Variants in GAREM1 observed in about 807,000 individuals in gnomAD.
The protein encoded by GAREM1 is GRB2 associated regulator of MAPK1 subtype 1.
GAREM1 carries 26 observed loss-of-function variants against 71.3 expected under a neutral mutation model. That is an observed-to-expected ratio of 0.36 (90% CI 0.27 to 0.51). GAREM1 has a LOEUF of 0.51. Among genes scored for constraint, GAREM1 ranks in the 20% least tolerant of loss-of-function variants. The pLI is 0.95. For synonymous variants in GAREM1, 440 were observed against 433.2 expected, an observed-to-expected ratio of 1.02 and a Z score of -0.20; for missense variants, 1,026 against 1,103.1, an observed-to-expected ratio of 0.93 and a Z score of 0.99.
rs559889736 is a variant in GAREM1 at position 32,438,222 on chromosome 18, A to G, written c.121+32086T>C. 1.2e-4 allele frequency among the ~76,000 whole-genome samples: 19 copies of G among 152,312 alleles called. No individual in the cohort carries two copies. The South Asian group carries it at 3.3e-3, about 27-fold the overall frequency. The stretch of plus-strand genomic sequence containing the variant: ...TACAACTAAATAAAAGACAAAAATA[A>G]ACCGGATTTATCTGGCAGAGCGGGT... On this transcript the variant is annotated intron_variant, in intron 1 of 5. Coordinates refer to ENST00000269209, the MANE Select transcript of GAREM1 (RefSeq NM_001242409.2).
At chr18:32,318,433 A>T (rs1360480117) in intron 2 of GAREM1, among the ~76,000 whole-genome samples, 2 of 152,078 alleles carry the variant, frequency 1.3e-5, no homozygotes, top group African/African-American at 4.8e-5. Flanking sequence ...ACTCTCCTTT[A>T]CTTACAGGGA....
At chr18:32,378,037 T>C (rs1264605205) in intron 2 of GAREM1, among the ~76,000 whole-genome samples, 2 of 148,160 alleles carry the variant, frequency 1.3e-5, no homozygotes, top group African/African-American at 5.2e-5. Flanking sequence ...TGTGTGTGTG[T>C]GTGTGTGTGT....
rs2047950059 is a variant in GAREM1 at position 32,368,767 on chromosome 18, A to G, written c.262+24128T>C. ...TTTTCTTTCTTTCTCTCTCTCACAC[A>G]CGCAACATGAATGTGGCTTTTCACA... On this transcript the variant is annotated intron_variant, in intron 2 of 5. Coordinates refer to ENST00000269209, the MANE Select transcript of GAREM1 (RefSeq NM_001242409.2). Among the ~76,000 whole-genome samples the G allele has an allele frequency of 2.0e-5, 3 of 152,176 alleles. No homozygotes were observed. The South Asian group carries it at 6.2e-4, about 32-fold the overall frequency.
intron 3 of GAREM1, among the ~76,000 whole-genome samples, chr18:32,302,382 C>T (rs1222245919): frequency 6.6e-6 from 1 of 152,132 alleles, no homozygotes; most frequent in African/African-American, 2.4e-5. Flanking sequence ...TAATTTATAG[C>T]ATTTTATCAT....
chr18:32,271,740 C>T (rs1173550655), intron 4 of GAREM1, among the ~76,000 whole-genome samples: 2 of 152,196 alleles, frequency 1.3e-5, no homozygotes, highest in Non-Finnish European at 2.9e-5. Flanking sequence ...CGTCTTCACA[C>T]TGGAGAGGAT....
chr18:32,343,434 C>G (rs2047666939), intron 2 of GAREM1, among the ~76,000 whole-genome samples: 1 of 151,586 alleles, frequency 6.6e-6, no homozygotes, highest in Non-Finnish European at 1.5e-5. Flanking sequence ...CCTGCCTCAG[C>G]CTCCAGAGTA....
intron 1 of GAREM1, among the ~76,000 whole-genome samples, chr18:32,445,447 T>C (rs182852324): frequency 2.6e-5 from 4 of 152,270 alleles, no homozygotes; most frequent in Admixed American, 2.0e-4. Flanking sequence ...ACCAGCAGTC[T>C]GCTCTTCCAA....
At chr18:32,346,778 G>A (rs933773357) in intron 2 of GAREM1, among the ~76,000 whole-genome samples, 1 of 152,176 alleles carries the variant, frequency 6.6e-6, no homozygotes, top group Admixed American at 6.5e-5. Context: ...TTTTAATAAG[G>A]TTCCAAAACA....
intron 2 of GAREM1, among the ~76,000 whole-genome samples, chr18:32,358,204 C>T (rs114634338): frequency 8.5e-4 from 127 of 148,772 alleles, no homozygotes; most frequent in African/African-American, 2.8e-3. Context: ...AGAGCACACC[C>T]GGCTTGTGTG....
At chr18:32,294,399 TTC>T (rs1394183331) in intron 3 of GAREM1, among the ~76,000 whole-genome samples, 4 of 152,226 alleles carry the variant, frequency 2.6e-5, no homozygotes, top group Admixed American at 2.6e-4. Context: ...CTCATTATTA[TTC>T]TTGGAACAAT....
intron 2 of GAREM1, among the ~76,000 whole-genome samples, chr18:32,363,060 A>G (rs767878483): frequency 5.3e-5 from 8 of 152,196 alleles, no homozygotes; most frequent in African/African-American, 1.4e-4. Context: ...AGCCATGGCA[A>G]TAAGTTATAT....
At chr18:32,281,226 G>T (rs1302654785) in intron 4 of GAREM1, among the ~76,000 whole-genome samples, 1 of 152,094 alleles carries the variant, frequency 6.6e-6, no homozygotes, top group Non-Finnish European at 1.5e-5. Flanking sequence ...AATGCTGCAC[G>T]CCTCTAATTA....
Position 32,266,592 on chromosome 18 carries a change from A to G in GAREM1, c.*1279T>C, listed in dbSNP as rs937661627. The G allele has an allele frequency of 3.3e-5, 5 of 152,224 alleles. No homozygotes were observed. The highest frequency in any genetic ancestry group is 7.3e-5 in the Non-Finnish European group (5 of 68,036). The allele number at this position is 152,224 out of a possible 1,614,324, so 9.4% of individuals were successfully genotyped here. Reference sequence around the variant, plus strand: ...GCAAAAATTCTCAGACTAATGTAAAAGTATGGTAATAATGTATTTTCTTTG... The same window carrying G: ...GCAAAAATTCTCAGACTAATGTAAAGGTATGGTAATAATGTATTTTCTTTG... On this transcript the variant is annotated 3_prime_UTR_variant, in exon 6 of 6. Coordinates refer to ENST00000269209, the MANE Select transcript of GAREM1 (RefSeq NM_001242409.2).
chr18:32,364,022 ATATATGTT>A (rs1202962449), intron 2 of GAREM1, among the ~76,000 whole-genome samples: 2 of 52,102 alleles, frequency 3.8e-5, no homozygotes, highest in African/African-American at 2.9e-4. Flanking sequence ...ATATATATAT[ATATATGTT>A]TTTTTTTTTT....
chr18:32,311,877 G>A (rs1013222536), intron 2 of GAREM1, among the ~76,000 whole-genome samples: 1 of 152,242 alleles, frequency 6.6e-6, no homozygotes, highest in Admixed American at 6.5e-5. Flanking sequence ...GATCCCTCTA[G>A]CTGGCATGTT....
chr18:32,400,701 T>C (rs377012027), intron 1 of GAREM1, among the ~76,000 whole-genome samples: 2 of 152,204 alleles, frequency 1.3e-5, no homozygotes, highest in East Asian at 1.9e-4. Context: ...TGTGGAGAAA[T>C]AGGAACACTT....
intron 1 of GAREM1, among the ~76,000 whole-genome samples, chr18:32,441,771 G>A (rs570408703): frequency 2.6e-5 from 4 of 152,006 alleles, no homozygotes; most frequent in Non-Finnish European, 4.4e-5. Context: ...TCCCAACCCC[G>A]CACAGAAAGA....
chr18:32,398,687 C>G (rs981042224), intron 1 of GAREM1, among the ~76,000 whole-genome samples: 1 of 151,980 alleles, frequency 6.6e-6, no homozygotes, highest in Admixed American at 6.6e-5. Flanking sequence ...AGCTTACCAA[C>G]CAAAAAAAGT....
intron 2 of GAREM1, among the ~76,000 whole-genome samples, chr18:32,381,922 C>T (rs1314872794): frequency 3.3e-5 from 5 of 152,208 alleles, no homozygotes; most frequent in African/African-American, 1.2e-4. Context: ...CCTCCCACTC[C>T]TAGACAGCTG....
Sources: allele counts gnomAD v4.1 joint callset (sites outside exome capture counted in the v4.1 genomes callset), GRCh38; gene constraint gnomAD v4.1.1; transcripts MANE v1.5; gene names NCBI Gene and HGNC (gene_info 2026-07-23, HGNC 2026-07-21).